RAI2: variants seen among roughly 807,000 people sequenced by gnomAD.
The protein encoded by RAI2 is retinoic acid-induced protein 2.
Under a neutral mutation model 15.3 loss-of-function variants are expected in RAI2, and 5 were observed. The ratio of observed to expected loss-of-function variants is 0.33; its 90% CI spans 0.17 to 0.69. The LOEUF is 0.69. Ranked by LOEUF, RAI2 falls within the 30% of genes least tolerant of loss-of-function variation. The pLI, the probability that RAI2 is intolerant of heterozygous loss-of-function variation, is 0.69. For synonymous variants in RAI2, 191 were observed against 184.0 expected, an observed-to-expected ratio of 1.04 and a Z score of -0.31; for missense variants, 424 against 424.7, an observed-to-expected ratio of 1.00 and a Z score of 0.01.
At chrX:17,817,433 T>C (rs2067119896) in intron 1 of RAI2, among the ~76,000 whole-genome samples, 1 of 112,565 alleles carries the variant, frequency 8.9e-6, no homozygotes, top group Non-Finnish European at 1.9e-5. Context: ...TGAATCAGTG[T>C]ATTTACATGG....
chrX:17,808,956 A>T (rs2067011511), intron 1 of RAI2, among the ~76,000 whole-genome samples: 1 of 112,461 alleles, frequency 8.9e-6, no homozygotes, highest in Non-Finnish European at 1.9e-5. Flanking sequence ...AAGTAATTCC[A>T]ACTGGGTAAC....
At chrX:17,849,429 A>G (rs1004808177) in intron 1 of RAI2, among the ~76,000 whole-genome samples, 2 of 112,424 alleles carry the variant, frequency 1.8e-5, no homozygotes, top group African/African-American at 6.5e-5. Flanking sequence ...GATCTTGTGT[A>G]AGTTACTAAA....
Position 17,805,237 on chromosome X carries a change from G to A in RAI2, c.-24-3203C>T, listed in dbSNP as rs184217370. Among the ~76,000 whole-genome samples, 13 of 113,064 alleles carry A rather than the reference G, an allele frequency of 1.1e-4. No homozygotes were observed. The Admixed American group carries it at 1.2e-3, about 10-fold the overall frequency. ...TCCCCACAGCCTCTCCTTCAACACC[G>A]AGTGCATGTGCCTGCAGAGGCATGC... On this transcript the variant is annotated intron_variant, in intron 1 of 1. Coordinates refer to ENST00000451717, the MANE Select transcript of RAI2 (RefSeq NM_021785.6).
At position 17,850,532 on chromosome X, in the gene RAI2, G is replaced by A. The variant is rs192250032; in HGVS notation, c.-25+10566C>T. Among the ~76,000 whole-genome samples, 1,017 of 112,474 alleles carry A rather than the reference G, an allele frequency of 9.0e-3. 4 individuals are homozygous for A. The highest frequency in any genetic ancestry group is 0.015 in the Non-Finnish European group (787 of 53,255). On this transcript the variant is annotated intron_variant, in intron 1 of 1. Coordinates refer to ENST00000451717, the MANE Select transcript of RAI2 (RefSeq NM_021785.6). ...CCAAAGAAGCAATTCCATTCTTCAC[G>A]TGGGCTTAGGACAAAGCCAGCTCTC...
intron 1 of RAI2, among the ~76,000 whole-genome samples, chrX:17,850,467 G>A (rs1427020206): frequency 8.9e-6 from 1 of 112,625 alleles, no homozygotes; most frequent in African/African-American, 3.2e-5. Flanking sequence ...ACGCTTGTGC[G>A]TTCATGTTCA....
Position 17,801,795 on chromosome X carries a change from C to T in RAI2, c.216G>A (p.Lys72=), listed in dbSNP as rs929578146. Residue 72 remains lysine, a synonymous_variant, in exon 2 of 2, where the codon AAG becomes AAA. Coordinates refer to ENST00000451717, the MANE Select transcript of RAI2 (RefSeq NM_021785.6). ...PAESQSGMAL[K]VAATVLQPLC... is the part of the protein sequence containing the mutation. Reference sequence around the variant, plus strand: ...GGGGCTGCAACACAGTGGCCGCCACCTTCAGAGCCATGCCACTCTGAGACT... The same window carrying T: ...GGGGCTGCAACACAGTGGCCGCCACTTTCAGAGCCATGCCACTCTGAGACT... The T allele has an allele frequency of 8.3e-7, 1 of 1,211,926 alleles. No homozygotes were observed. The highest frequency in any genetic ancestry group is 1.1e-6 in the Non-Finnish European group (1 of 895,552).
intron 1 of RAI2, among the ~76,000 whole-genome samples, chrX:17,804,475 C>T (rs964117545): frequency 8.9e-6 from 1 of 112,071 alleles, no homozygotes; most frequent in East Asian, 2.8e-4. Flanking sequence ...TGCACAAAGC[C>T]CCATGAAGGC....
chrX:17,843,810 T>C (rs1284504004), intron 1 of RAI2, among the ~76,000 whole-genome samples: 1 of 112,630 alleles, frequency 8.9e-6, no homozygotes, highest in Non-Finnish European at 1.9e-5. Context: ...TTTATTAACA[T>C]GGTTTGTTAA....
chrX:17,838,207 T>C (rs1402624538), intron 1 of RAI2, among the ~76,000 whole-genome samples: 1 of 112,452 alleles, frequency 8.9e-6, no homozygotes, highest in Admixed American at 9.4e-5. Flanking sequence ...AAGGGAGCTC[T>C]TCAGGGTGCT....
rs765587286 is a variant in RAI2, at chrX:17,804,807, C to A, written c.-24-2773G>T. Among the ~76,000 whole-genome samples, 4 of 112,902 alleles carry A rather than the reference C, an allele frequency of 3.5e-5. No individual in the cohort carries two copies. The South Asian group carries it at 1.5e-3, about 41-fold the overall frequency. ...CTCCTCCACCTGCTCCTTGCACACACCTTCAGCTTAGGTACCAGTTCTCAT... is the reference window on the plus strand; with the variant it reads ...CTCCTCCACCTGCTCCTTGCACACAACTTCAGCTTAGGTACCAGTTCTCAT... On this transcript the variant is annotated intron_variant, in intron 1 of 1. Coordinates refer to ENST00000451717, the MANE Select transcript of RAI2 (RefSeq NM_021785.6).
intron 1 of RAI2, among the ~76,000 whole-genome samples, chrX:17,845,554 C>T (rs1174319902): frequency 1.8e-5 from 2 of 112,401 alleles, no homozygotes. Context: ...TCCAAGCTCT[C>T]CACTTTGTAC....
At chrX:17,843,521 T>C (rs1191866420) in intron 1 of RAI2, among the ~76,000 whole-genome samples, 1 of 112,191 alleles carries the variant, frequency 8.9e-6, no homozygotes, top group Non-Finnish European at 1.9e-5. Flanking sequence ...CATTGCATTA[T>C]CTTTTTATTA....
chrX:17,845,332 C>T (rs1355299824), intron 1 of RAI2, among the ~76,000 whole-genome samples: 1 of 112,481 alleles, frequency 8.9e-6, no homozygotes, highest in Non-Finnish European at 1.9e-5. Flanking sequence ...CTTTTATTTC[C>T]CTGAACTGAA....
chrX:17,827,448 T>TTACTGTGTATACACAGTGCC (rs2067239791), intron 1 of RAI2, among the ~76,000 whole-genome samples: 1 of 112,539 alleles, frequency 8.9e-6, no homozygotes, highest in African/African-American at 3.2e-5. Flanking sequence ...TACACAGTGC[T>TTACTGTGTATACACAGTGCC]TACTGTGTAT....
chrX:17,860,857 G>C (rs1208808160), intron 1 of RAI2: 4 of 105,161 alleles, frequency 3.8e-5, no homozygotes, highest in East Asian at 3.1e-4. Flanking sequence ...CGCCGGGAAC[G>C]GGAGCGGGGC....
chrX:17,842,956 T>G (rs765924011), intron 1 of RAI2, among the ~76,000 whole-genome samples: 2 of 111,908 alleles, frequency 1.8e-5, no homozygotes, highest in Non-Finnish European at 3.8e-5. Flanking sequence ...ACTCCTATAG[T>G]AACACCCAAT....
At chrX:17,857,709 A>G (rs1362616985) in intron 1 of RAI2, among the ~76,000 whole-genome samples, 2 of 111,185 alleles carry the variant, frequency 1.8e-5, no homozygotes, top group Non-Finnish European at 1.9e-5. Flanking sequence ...GTCTCCCTTA[A>G]CAATGATCTA....
chrX:17,836,073 C>T (rs904714381), intron 1 of RAI2, among the ~76,000 whole-genome samples: 1 of 110,578 alleles, frequency 9.0e-6, no homozygotes, highest in Non-Finnish European at 1.9e-5. Context: ...AGTAACAATA[C>T]CCACCCCTCA....
chrX:17,860,662 G>C (rs1306943587), intron 1 of RAI2: 1 of 112,315 alleles, frequency 8.9e-6, no homozygotes, highest in East Asian at 2.9e-4. Context: ...CGGGTTTTCC[G>C]GGCCGGGGCA....
Sources: allele counts gnomAD v4.1 joint callset (sites outside exome capture counted in the v4.1 genomes callset), GRCh38; gene constraint gnomAD v4.1.1; transcripts MANE v1.5; gene names NCBI Gene and HGNC (gene_info 2026-07-23, HGNC 2026-07-21).